The following MCU variants were observed in gnomAD, a reference collection of about 807,000 sequenced individuals.
The protein encoded by MCU is calcium uniporter protein, mitochondrial.
A neutral mutation model predicts 45.2 loss-of-function variants in MCU; 12 were observed. The observed-to-expected ratio is 0.27, with a 90% CI of 0.17 to 0.43. The LOEUF (loss-of-function observed/expected upper bound fraction) is 0.43. MCU is among the 20% of genes least tolerant of loss of function. The pLI, the probability that MCU is intolerant of heterozygous loss-of-function variation, is 1.00. For synonymous variants in MCU, 160 were observed against 165.1 expected, an observed-to-expected ratio of 0.97 and a Z score of 0.24; for missense variants, 324 against 436.7, an observed-to-expected ratio of 0.74 and a Z score of 2.30.
At chr10:72,774,233 A>G (rs1265172815) in intron 1 of MCU, among the ~76,000 whole-genome samples, 2 of 152,196 alleles carry the variant, frequency 1.3e-5, no homozygotes, top group Non-Finnish European at 2.9e-5. Context: ...AGGTAATATT[A>G]AAAATGTAAA....
intron 1 of MCU, among the ~76,000 whole-genome samples, chr10:72,743,422 A>AG (rs972429210): frequency 2.0e-5 from 3 of 151,508 alleles, no homozygotes; most frequent in African/African-American, 7.3e-5. Flanking sequence ...CAAAAAAAAA[A>AG]AAAAAAAAAA....
At chr10:72,820,221 A>G (rs1844689963) in intron 1 of MCU, among the ~76,000 whole-genome samples, 1 of 152,178 alleles carries the variant, frequency 6.6e-6, no homozygotes, top group South Asian at 2.1e-4. Flanking sequence ...ATTTCTAGAT[A>G]GTTTTGTCAG....
At chr10:72,865,344 C>A (rs532993482) in intron 4 of MCU, among the ~76,000 whole-genome samples, 46 of 152,102 alleles carry the variant, frequency 3.0e-4, no homozygotes, top group Admixed American at 4.6e-4. Context: ...TGGAAATAAT[C>A]ATAAATTGAA....
chr10:72,816,078 C>A (rs987077916), intron 1 of MCU, among the ~76,000 whole-genome samples: 2 of 151,870 alleles, frequency 1.3e-5, no homozygotes, highest in Admixed American at 1.3e-4. Flanking sequence ...TGGTGAGGCA[C>A]GAGAATCACT....
intron 1 of MCU, among the ~76,000 whole-genome samples, chr10:72,764,359 T>A (rs562076397): frequency 1.3e-5 from 2 of 152,302 alleles, no homozygotes; most frequent in Admixed American, 1.3e-4. Flanking sequence ...GGGACATAGT[T>A]ACTGGTTGGG....
At chr10:72,868,533 T>C (rs547891418) in intron 4 of MCU, among the ~76,000 whole-genome samples, 170 bp from the exon 5 acceptor site, 4 of 146,638 alleles carry the variant, frequency 2.7e-5, no homozygotes, top group Admixed American at 2.1e-4. Flanking sequence ...GCCTGGGTGA[T>C]AGAGTAAGAC....
intron 1 of MCU, among the ~76,000 whole-genome samples, chr10:72,763,166 A>G (rs1371772840): frequency 2.0e-5 from 3 of 152,178 alleles, no homozygotes; most frequent in African/African-American, 7.2e-5. Flanking sequence ...CCTGGGTGCA[A>G]ACTTTTTCAT....
intron 2 of MCU, among the ~76,000 whole-genome samples, chr10:72,836,668 G>GA (rs1180098830): frequency 2.6e-5 from 4 of 151,418 alleles, no homozygotes; most frequent in African/African-American, 4.8e-5. Flanking sequence ...ACCAACTTAA[G>GA]AAAAAAAAGA....
intron 1 of MCU, among the ~76,000 whole-genome samples, chr10:72,754,312 A>G (rs750020862): frequency 4.6e-5 from 7 of 152,216 alleles, no homozygotes; most frequent in Non-Finnish European, 8.8e-5. Context: ...CCCAGATTTC[A>G]ATCCAGGTCT....
At chr10:72,692,881 C>T in intron 1 of MCU, 2 of 1,459,352 alleles carry the variant, frequency 1.4e-6, no homozygotes, top group African/African-American at 1.4e-5. Flanking sequence ...CTGTGACTTC[C>T]TCTGTGTGTG....
At position 72,706,506 on chromosome 10, in the gene MCU, AC is replaced by A. The variant is rs554555041; in HGVS notation, c.150+14206del. Among the ~76,000 whole-genome samples, 1,150 of 151,854 alleles carry A rather than the reference AC, an allele frequency of 7.6e-3. 15 individuals carry two copies. Among genetic ancestry groups the A allele is most frequent in the African/African-American group, 0.026 (1,085 of 41,444 alleles). On this transcript the variant is annotated intron_variant, in intron 1 of 7. Transcript: ENST00000373053. The stretch of plus-strand genomic sequence containing the variant: ...AGTGTCGGTATTTATTTCTTTGGTA[AC>A]TATGAAATTTTTTAGAGACATTACA...
At position 72,885,842 on chromosome 10, in the gene MCU, T is replaced by G. The variant is rs752673810; in HGVS notation, c.*20T>G. 1 of 1,604,490 alleles carries G rather than the reference T, an allele frequency of 6.2e-7. No individual in the cohort carries two copies. The highest frequency in any genetic ancestry group is 8.5e-7 in the Non-Finnish European group (1 of 1,171,560). On this transcript the variant is annotated 3_prime_UTR_variant, in exon 8 of 8. Transcript: ENST00000373053. ...GATTGATCTGCAAAAAGCCTCTGAA[T>G]CCTGGCAGAAGGAACACCTGTTTGC...
At chr10:72,745,646 T>C (rs1843405092) in intron 1 of MCU, among the ~76,000 whole-genome samples, 2 of 152,216 alleles carry the variant, frequency 1.3e-5, no homozygotes, top group South Asian at 4.1e-4. Context: ...CCTTTTTTCT[T>C]GTTTGTTTTT....
intron 1 of MCU, among the ~76,000 whole-genome samples, chr10:72,740,103 C>T (rs376291147): frequency 6.6e-5 from 10 of 150,990 alleles, no homozygotes; most frequent in South Asian, 2.2e-4. Flanking sequence ...GTGCCATCAC[C>T]GGGCACGGTG....
chr10:72,848,047 T>C (rs1163198073), intron 2 of MCU, among the ~76,000 whole-genome samples: 2 of 152,186 alleles, frequency 1.3e-5, no homozygotes, highest in Non-Finnish European at 2.9e-5. Flanking sequence ...ATCATATTGG[T>C]TCTGCAGACC....
intron 1 of MCU, among the ~76,000 whole-genome samples, chr10:72,775,661 CAAATA>C (rs1174603053): frequency 1.3e-5 from 2 of 151,730 alleles, no homozygotes; most frequent in African/African-American, 4.8e-5. Flanking sequence ...AGAGAAGACC[CAAATA>C]AAATAAAAAA....
At chr10:72,790,799 C>T (rs748135697) in intron 1 of MCU, among the ~76,000 whole-genome samples, 1 of 152,088 alleles carries the variant, frequency 6.6e-6, no homozygotes, top group African/African-American at 2.4e-5. Context: ...GTGAATAACA[C>T]CACTTCAGTC....
chr10:72,809,177 C>T (rs116234735), intron 1 of MCU, among the ~76,000 whole-genome samples: 23 of 152,284 alleles, frequency 1.5e-4, no homozygotes, highest in African/African-American at 5.3e-4. Context: ...GTGCCAGGCA[C>T]GTGCTCACTG....
intron 2 of MCU, among the ~76,000 whole-genome samples, chr10:72,846,830 T>C (rs1396018229): frequency 6.6e-6 from 1 of 151,500 alleles, no homozygotes; most frequent in Non-Finnish European, 1.5e-5. Flanking sequence ...CAGGAAGCAA[T>C]GAAGGGAAGG....
Sources: allele counts gnomAD v4.1 joint callset (sites outside exome capture counted in the v4.1 genomes callset), GRCh38; gene constraint gnomAD v4.1.1; transcripts MANE v1.5; gene names NCBI Gene and HGNC (gene_info 2026-07-23, HGNC 2026-07-21).